The following BTBD9 variants were observed in gnomAD, a reference collection of about 807,000 sequenced individuals.
The protein encoded by BTBD9 is BTB/POZ domain-containing protein 9.
In BTBD9, 49 loss-of-function variants were observed where a neutral mutation model predicts 64.3. The observed-to-expected ratio is 0.76, with a 90% CI of 0.61 to 0.97. The LOEUF (loss-of-function observed/expected upper bound fraction) is 0.97, where lower values mean the gene tolerates loss of function less well. BTBD9 is among the 50% of genes least tolerant of loss of function. The probability of loss-of-function intolerance (pLI) is 0.00; values close to 1 mark genes in which losing one functional copy is unlikely to be tolerated. For missense variants in BTBD9, 598 were observed against 762.1 expected, an observed-to-expected ratio of 0.78 and a Z score of 2.53; for synonymous variants, 260 against 274.7, an observed-to-expected ratio of 0.95 and a Z score of 0.53.
Position 38,319,966 on chromosome 6 carries a change from C to T in BTBD9, c.1264+25018G>A, listed in dbSNP as rs554016492. On this transcript the variant is annotated intron_variant, in intron 7 of 10. Coordinates refer to ENST00000481247, the MANE Select transcript of BTBD9 (RefSeq NM_001099272.2). ...GTGAGGCATGCCGAAACTCAAGTTC[C>T]GACTGCTGGGATGGGGGATCTCCCT... 2.2e-4 allele frequency among the ~76,000 whole-genome samples: 33 copies of T among 152,258 alleles called. 2 individuals are homozygous for T. The South Asian group carries it at 6.0e-3, about 28-fold the overall frequency.
Position 38,600,299 on chromosome 6 carries a change from T to C in BTBD9, c.-27-2178A>G, listed in dbSNP as rs918361994. On this transcript the variant is annotated intron_variant, in intron 1 of 10. Coordinates refer to ENST00000481247, the MANE Select transcript of BTBD9 (RefSeq NM_001099272.2). Reference sequence around the variant, plus strand: ...TAAACATGGCTATCTCCAGTAAAACTATTTCTAGAAAAGACCTAGATTAGA... The same window carrying C: ...TAAACATGGCTATCTCCAGTAAAACCATTTCTAGAAAAGACCTAGATTAGA... Among the ~76,000 whole-genome samples, 54 of 152,306 alleles carry C rather than the reference T, an allele frequency of 3.5e-4. 1 individual carries two copies. The highest frequency in any genetic ancestry group is 1.7e-3 in the Admixed American group (26 of 15,308).
At chr6:38,613,344 G>A (rs1163713080) in intron 1 of BTBD9, among the ~76,000 whole-genome samples, 4 of 152,128 alleles carry the variant, frequency 2.6e-5, no homozygotes, top group East Asian at 3.9e-4. Context: ...ATCTCAGGCC[G>A]GGCATGGTGA....
At chr6:38,619,708 C>T (rs1042740448) in intron 1 of BTBD9, among the ~76,000 whole-genome samples, 1 of 152,180 alleles carries the variant, frequency 6.6e-6, no homozygotes, top group Non-Finnish European at 1.5e-5. Flanking sequence ...TGGACACTGG[C>T]ACAGCTTTCT....
At chr6:38,624,102 G>A (rs1778090994) in intron 1 of BTBD9, among the ~76,000 whole-genome samples, 2 of 152,190 alleles carry the variant, frequency 1.3e-5, no homozygotes, top group Non-Finnish European at 2.9e-5. Flanking sequence ...TGTCTTACAA[G>A]AGGATTGTAA....
At chr6:38,277,345 T>G (rs1278710064) in intron 8 of BTBD9, among the ~76,000 whole-genome samples, 1 of 152,108 alleles carries the variant, frequency 6.6e-6, no homozygotes, top group East Asian at 1.9e-4. Flanking sequence ...AACTTTTTTT[T>G]TTTTTTGAGA....
intron 7 of BTBD9, among the ~76,000 whole-genome samples, chr6:38,290,978 T>C (rs1161223057): frequency 6.6e-6 from 1 of 152,224 alleles, no homozygotes; most frequent in Non-Finnish European, 1.5e-5. Context: ...ATCTATTCTC[T>C]TGCTGAAGGA....
chr6:38,318,247 C>T (rs1192925583), intron 7 of BTBD9, among the ~76,000 whole-genome samples: 1 of 152,158 alleles, frequency 6.6e-6, no homozygotes, highest in African/African-American at 2.4e-5. Context: ...TCCGTCTCTG[C>T]AGGATTGGCC....
At chr6:38,535,475 T>C (rs186482267) in intron 6 of BTBD9, among the ~76,000 whole-genome samples, 1 of 152,162 alleles carries the variant, frequency 6.6e-6, no homozygotes, top group Admixed American at 6.6e-5. Context: ...AAAATACCAA[T>C]GACATTTTTG....
intron 6 of BTBD9, among the ~76,000 whole-genome samples, chr6:38,448,843 A>C (rs1562201796): frequency 1.3e-5 from 2 of 152,178 alleles, no homozygotes; most frequent in Non-Finnish European, 1.5e-5. Flanking sequence ...ATCTCTTAAT[A>C]AAGGTTATTC....
rs1031124030 is a variant in BTBD9, at chr6:38,184,163, G to A, written c.1641+8356C>T. The stretch of plus-strand genomic sequence containing the variant: ...ACCCATCCTCTGTGGATGGACGCTC[G>A]TGGTATCCCGTTGGGTTCAGGATGA... On this transcript the variant is annotated intron_variant, in intron 10 of 10. Transcript: ENST00000481247. This position sits in a 1 kb window ranked among gnomAD's most constrained non-coding sequence, Gnocchi z 4.4. Among the ~76,000 whole-genome samples the A allele has an allele frequency of 4.6e-5, 7 of 152,164 alleles. No individual in the cohort carries two copies. Among genetic ancestry groups the A allele is most frequent in the African/African-American group, 1.4e-4 (6 of 41,432 alleles).
At chr6:38,542,094 C>T (rs1376256698) in intron 6 of BTBD9, among the ~76,000 whole-genome samples, 2 of 152,100 alleles carry the variant, frequency 1.3e-5, no homozygotes, top group African/African-American at 4.8e-5. Flanking sequence ...CTACTCTTTC[C>T]CTAGTTGATT....
chr6:38,635,229 G>A (rs193187766), intron 1 of BTBD9, among the ~76,000 whole-genome samples: 2 of 152,106 alleles, frequency 1.3e-5, no homozygotes, highest in East Asian at 3.9e-4. Flanking sequence ...TCCACCTCCT[G>A]GGTTCAAGCG....
intron 10 of BTBD9, among the ~76,000 whole-genome samples, chr6:38,187,782 T>C (rs1248132547): frequency 6.6e-6 from 1 of 152,066 alleles, no homozygotes; most frequent in Non-Finnish European, 1.5e-5. Flanking sequence ...TAAACATAGC[T>C]AAAAAATTAA....
At chr6:38,290,738 G>T (rs150582228) in intron 7 of BTBD9, among the ~76,000 whole-genome samples, 218 of 152,236 alleles carry the variant, frequency 1.4e-3, no homozygotes, top group Middle Eastern at 0.014. Context: ...ATATTTCATT[G>T]TCTAAGTCAC....
intron 6 of BTBD9, among the ~76,000 whole-genome samples, chr6:38,487,432 T>G (rs993150130): frequency 6.6e-6 from 1 of 151,918 alleles, no homozygotes; most frequent in Non-Finnish European, 1.5e-5. Context: ...AATACAAAAA[T>G]TAGCTGGGCA....
chr6:38,510,565 A>G (rs1443467305), intron 6 of BTBD9, among the ~76,000 whole-genome samples: 1 of 152,220 alleles, frequency 6.6e-6, no homozygotes, highest in African/African-American at 2.4e-5. Flanking sequence ...TGAAACTTTA[A>G]TGCTTTATAA....
Position 38,279,628 on chromosome 6 carries a change from T to C in BTBD9, c.1454+8644A>G, listed in dbSNP as rs143801990. 3.5e-3 allele frequency among the ~76,000 whole-genome samples: 532 copies of C among 152,286 alleles called. 1 individual carries two copies. Among genetic ancestry groups the C allele is most frequent in the Middle Eastern group, 0.02 (6 of 294 alleles). On this transcript the variant is annotated intron_variant, in intron 8 of 10. Coordinates refer to ENST00000481247, the MANE Select transcript of BTBD9 (RefSeq NM_001099272.2). Reference sequence around the variant, plus strand: ...CATTTCTGTGACCCCGTGTGGCCTATCCTGGGGCAGCAGCATATAAAACAT... The same window carrying C: ...CATTTCTGTGACCCCGTGTGGCCTACCCTGGGGCAGCAGCATATAAAACAT...
At chr6:38,618,180 G>A (rs1440887197) in intron 1 of BTBD9, among the ~76,000 whole-genome samples, 1 of 152,202 alleles carries the variant, frequency 6.6e-6, no homozygotes, top group Non-Finnish European at 1.5e-5. Flanking sequence ...CCCTTGAAAT[G>A]CATCCTAAGC....
At chr6:38,350,210 G>A (rs896653992) in intron 6 of BTBD9, among the ~76,000 whole-genome samples, 4 of 152,166 alleles carry the variant, frequency 2.6e-5, no homozygotes, top group African/African-American at 4.8e-5. Flanking sequence ...AAGAAATTTT[G>A]CTTTGGAGAT....
Sources: allele counts gnomAD v4.1 joint callset (sites outside exome capture counted in the v4.1 genomes callset), GRCh38; gene constraint gnomAD v4.1.1; non-coding constraint Gnocchi (gnomAD v3.1); transcripts MANE v1.5; gene names NCBI Gene and HGNC (gene_info 2026-07-23, HGNC 2026-07-21).